The following ME3 variants were observed in gnomAD, a reference collection of about 807,000 sequenced individuals.
ME3 encodes the protein NADP-dependent malic enzyme, mitochondrial.
A neutral mutation model predicts 68.9 loss-of-function variants in ME3; 48 were observed. That is an observed-to-expected ratio of 0.70 (90% CI 0.55 to 0.89). The LOEUF is 0.89. Ranked by LOEUF, ME3 falls within the 40% of genes least tolerant of loss-of-function variation. The pLI, the probability that ME3 is intolerant of heterozygous loss-of-function variation, is 0.00. For missense variants in ME3, 675 were observed against 797.4 expected (o/e 0.85, Z 1.85); for synonymous variants, 320 against 318.8 (o/e 1.00, Z -0.04).
At chr11:86,480,017 C>CCAT (rs1294252578) in intron 7 of ME3, among the ~76,000 whole-genome samples, 2 of 152,094 alleles carry the variant, frequency 1.3e-5, no homozygotes, top group Non-Finnish European at 2.9e-5. Flanking sequence ...TGGGGTTTCG[C>CCAT]CATGTTGGCC....
chr11:86,502,718 T>C (rs1952809675), intron 5 of ME3, among the ~76,000 whole-genome samples: 1 of 152,206 alleles, frequency 6.6e-6, no homozygotes, highest in Non-Finnish European at 1.5e-5. Context: ...TTTTCCTTGT[T>C]TGGAAGAGTT....
intron 6 of ME3, among the ~76,000 whole-genome samples, chr11:86,493,102 C>T (rs953175012): frequency 6.6e-6 from 1 of 152,168 alleles, no homozygotes; most frequent in African/African-American, 2.4e-5. Context: ...GATGGCACCA[C>T]ATGGTGAATG....
At chr11:86,507,822 A>G (rs1340879886) in intron 5 of ME3, among the ~76,000 whole-genome samples, 1 of 152,088 alleles carries the variant, frequency 6.6e-6, no homozygotes, top group Non-Finnish European at 1.5e-5. Context: ...ATCTCTGCAA[A>G]AAAATACAAA....
chr11:86,521,219 C>A (rs1954253048), intron 4 of ME3, among the ~76,000 whole-genome samples: 2 of 152,076 alleles, frequency 1.3e-5, no homozygotes, highest in African/African-American at 4.8e-5. Flanking sequence ...CGGTGAAACA[C>A]TGTCTCCACT....
At chr11:86,497,839 G>T in intron 6 of ME3, 124 bp downstream of exon 6, 1 of 1,136,522 alleles carries the variant, frequency 8.8e-7, no homozygotes, top group Non-Finnish European at 1.2e-6. Flanking sequence ...TGCCCTGGTC[G>T]GGAGGATGCC....
At chr11:86,599,815 G>C (rs931762046) in intron 2 of ME3, among the ~76,000 whole-genome samples, 1 of 152,126 alleles carries the variant, frequency 6.6e-6, no homozygotes, top group Non-Finnish European at 1.5e-5. Context: ...TTAAAGAAAA[G>C]AATTTTCAAC....
chr11:86,487,425 G>A, exon 7 of ME3: 2 of 1,613,928 alleles, frequency 1.2e-6, no homozygotes, highest in Non-Finnish European at 1.7e-6. Context: ...ATGTACAGAG[G>A]GTCTCTGAGC....
intron 2 of ME3, among the ~76,000 whole-genome samples, chr11:86,565,214 C>CA (rs1491084962): frequency 9.9e-5 from 15 of 151,924 alleles, no homozygotes; most frequent in South Asian, 4.2e-4. Flanking sequence ...CACACACACA[C>CA]CCCCCCTAGG....
chr11:86,449,109 G>C (rs190913741), intron 10 of ME3, among the ~76,000 whole-genome samples: 1 of 152,282 alleles, frequency 6.6e-6, no homozygotes, highest in East Asian at 1.9e-4. Context: ...TTCTGCTGAG[G>C]ATCTCTGCCA....
At chr11:86,565,373 C>A (rs1260475301) in intron 2 of ME3, among the ~76,000 whole-genome samples, 1 of 152,194 alleles carries the variant, frequency 6.6e-6, no homozygotes, top group Non-Finnish European at 1.5e-5. Context: ...AAGTCTGCTC[C>A]TAGGTATATA....
At chr11:86,463,820 T>C (rs1307864761) in intron 8 of ME3, among the ~76,000 whole-genome samples, 1 of 152,240 alleles carries the variant, frequency 6.6e-6, no homozygotes. Context: ...GATCTGGGAA[T>C]GGCATGGTGA....
intron 5 of ME3, among the ~76,000 whole-genome samples, chr11:86,507,657 T>C (rs1953184336): frequency 6.6e-6 from 1 of 152,218 alleles, no homozygotes. Context: ...CAGAGGCTAA[T>C]ACATTTCTAC....
At chr11:86,624,821 C>G (rs1943559276) in intron 2 of ME3, among the ~76,000 whole-genome samples, 2 of 152,194 alleles carry the variant, frequency 1.3e-5, no homozygotes, top group Admixed American at 1.3e-4. Context: ...AGGACCAGAT[C>G]ACAGAGGGTC....
intron 4 of ME3, among the ~76,000 whole-genome samples, chr11:86,555,518 C>T (rs1956882876): frequency 6.6e-6 from 1 of 152,134 alleles, no homozygotes; most frequent in Non-Finnish European, 1.5e-5. Context: ...AAAAGCTTAG[C>T]TGTTCTGAGT....
At chr11:86,478,324 C>CAAAAAAAAAA (rs57349808) in intron 7 of ME3, among the ~76,000 whole-genome samples, 2 of 62,914 alleles carry the variant, frequency 3.2e-5, no homozygotes, top group Non-Finnish European at 6.0e-5. Flanking sequence ...GCCTAAGGAC[C>CAAAAAAAAAA]AAAAAAAAAA....
At chr11:86,521,418 C>T (rs183424013) in intron 4 of ME3, among the ~76,000 whole-genome samples, 2 of 94,376 alleles carry the variant, frequency 2.1e-5, no homozygotes, top group African/African-American at 5.1e-5. Context: ...CAAAACAAAA[C>T]AAAACAAAAC....
At chr11:86,525,199 T>C (rs993212052) in intron 4 of ME3, among the ~76,000 whole-genome samples, 5 of 152,110 alleles carry the variant, frequency 3.3e-5, no homozygotes, top group African/African-American at 4.8e-5. Context: ...ATCTGTAAAA[T>C]AGGGGCAATG....
chr11:86,631,352 G>A (rs1944002581), intron 2 of ME3, among the ~76,000 whole-genome samples: 1 of 152,136 alleles, frequency 6.6e-6, no homozygotes, highest in Non-Finnish European at 1.5e-5. Flanking sequence ...GGATAGAAAA[G>A]TTACAGATCT....
chr11:86,556,410 G>A, intron 4 of ME3, 143 bp downstream of exon 4: 1 of 1,035,114 alleles, frequency 9.7e-7, no homozygotes, highest in South Asian at 1.9e-5. Flanking sequence ...CTGAGCAAGT[G>A]CTTGAAATCA....
Sources: allele counts gnomAD v4.1 joint callset (sites outside exome capture counted in the v4.1 genomes callset), GRCh38; gene constraint gnomAD v4.1.1; transcripts MANE v1.5; gene names NCBI Gene and HGNC (gene_info 2026-07-23, HGNC 2026-07-21).